Variants in TAOK3 observed in about 807,000 individuals in gnomAD.
TAOK3 encodes serine/threonine-protein kinase TAO3.
TAOK3 carries 40 observed loss-of-function variants against 120.4 expected under a neutral mutation model. The observed-to-expected ratio is 0.33, with a 90% CI of 0.26 to 0.43. The LOEUF is 0.43. Ranked by LOEUF, TAOK3 falls within the 20% of genes least tolerant of loss-of-function variation. The pLI is 1.00. For synonymous variants in TAOK3, 355 were observed against 387.5 expected, an observed-to-expected ratio of 0.92 and a Z score of 0.99; for missense variants, 821 against 1,112.1, an observed-to-expected ratio of 0.74 and a Z score of 3.72.
chr12:118,221,277 G>A (rs2039217231), intron 9 of TAOK3, among the ~76,000 whole-genome samples: 1 of 152,074 alleles, frequency 6.6e-6, no homozygotes, highest in African/African-American at 2.4e-5. Flanking sequence ...AGGCTGGAGT[G>A]AAGAGGCATG....
chr12:118,209,504 T>C (rs1368942921), intron 11 of TAOK3, among the ~76,000 whole-genome samples: 1 of 151,384 alleles, frequency 6.6e-6, no homozygotes, highest in Non-Finnish European at 1.5e-5. Flanking sequence ...GATCAAGCGA[T>C]TCTCCTGCCT....
At chr12:118,199,322 A>C in intron 12 of TAOK3, 65 bp from the exon 13 acceptor site, 1 of 1,324,466 alleles carries the variant, frequency 7.6e-7, no homozygotes, top group Non-Finnish European at 1.1e-6. Context: ...CCATTGACAA[A>C]AGTGTCAAGC....
At chr12:118,370,136 G>A (rs1298552538) in intron 1 of TAOK3, among the ~76,000 whole-genome samples, 1 of 150,322 alleles carries the variant, frequency 6.7e-6, no homozygotes, top group Non-Finnish European at 1.5e-5. Context: ...GCCTCCCAAA[G>A]TGCTAGGATT....
intron 14 of TAOK3, among the ~76,000 whole-genome samples, chr12:118,182,447 G>A (rs2036794147): frequency 1.3e-5 from 2 of 151,226 alleles, no homozygotes; most frequent in African/African-American, 4.9e-5. Flanking sequence ...CAGCATCCCT[G>A]GCCTCTACCC....
intron 13 of TAOK3, among the ~76,000 whole-genome samples, chr12:118,195,957 G>A (rs1045096000): frequency 1.3e-5 from 2 of 152,112 alleles, no homozygotes; most frequent in African/African-American, 4.8e-5. Flanking sequence ...GGCTGATGCA[G>A]GAGAATGGCG....
At chr12:118,271,035 T>G (rs182274958) in intron 1 of TAOK3, among the ~76,000 whole-genome samples, 95 of 152,234 alleles carry the variant, frequency 6.2e-4, no homozygotes, top group African/African-American at 2.2e-3. Flanking sequence ...TCAACACACA[T>G]AGTTAGTATT....
intron 14 of TAOK3, among the ~76,000 whole-genome samples, chr12:118,182,621 ATATT>A (rs1312041741): frequency 2.3e-3 from 227 of 98,962 alleles, no homozygotes; most frequent in African/African-American, 0.011. Flanking sequence ...ATATATATAT[ATATT>A]TTTTTTTTTT....
chr12:118,275,046 G>C (rs1264695987), intron 1 of TAOK3, among the ~76,000 whole-genome samples: 1 of 152,136 alleles, frequency 6.6e-6, no homozygotes, highest in African/African-American at 2.4e-5. Flanking sequence ...GTGGTGATGT[G>C]TCTACATAAA....
intron 1 of TAOK3, among the ~76,000 whole-genome samples, chr12:118,303,887 A>T (rs2042959755): frequency 6.6e-6 from 1 of 152,224 alleles, no homozygotes; most frequent in Non-Finnish European, 1.5e-5. Flanking sequence ...ACCTCAGGTG[A>T]TCCACCTGCC....
rs1164195228 is a variant in TAOK3 at position 118,199,126 on chromosome 12, C to T, written c.1119G>A (p.Glu373=). 1.9e-6 allele frequency: 3 copies of T among 1,614,166 alleles called. No individual in the cohort carries two copies. Among genetic ancestry groups the T allele is most frequent in the Non-Finnish European group, 2.5e-6 (3 of 1,180,032 alleles). ...SVNSMQEVMD[E]SSSELVMMHD... is the part of the protein sequence containing the mutation. ...GCATCATGACAAGTTCGGAACTGCT[C>T]TCGTCCATGACTTCCTGCATGCTGT... The change falls in exon 13 of 21, where the codon GAG becomes GAA. Residue 373 remains glutamate, a synonymous_variant. Coordinates refer to ENST00000392533, the MANE Select transcript of TAOK3 (RefSeq NM_016281.4).
chr12:118,366,090 C>T (rs559505928), intron 1 of TAOK3, among the ~76,000 whole-genome samples: 17 of 151,920 alleles, frequency 1.1e-4, no homozygotes, highest in Non-Finnish European at 1.9e-4. Context: ...ATGGCGAAAC[C>T]CCGTCTCTAC....
intron 9 of TAOK3, among the ~76,000 whole-genome samples, chr12:118,217,338 A>G (rs1038599086): frequency 2.0e-5 from 3 of 152,146 alleles, no homozygotes; most frequent in African/African-American, 7.2e-5. Context: ...TTCATTTGTT[A>G]TATTTTGGAG....
At chr12:118,346,197 AGGG>A (rs1418122230) in intron 1 of TAOK3, among the ~76,000 whole-genome samples, 10 of 152,334 alleles carry the variant, frequency 6.6e-5, no homozygotes, top group African/African-American at 2.2e-4. Flanking sequence ...ATCTTAGGTC[AGGG>A]ACTTCTCACC....
intron 1 of TAOK3, among the ~76,000 whole-genome samples, chr12:118,292,917 C>A (rs11068900): frequency 0.038 from 5,791 of 152,220 alleles, 180 homozygotes; most frequent in Middle Eastern, 0.075. Context: ...TTTGGGGATG[C>A]CTTTATACCC....
chr12:118,301,471 C>T (rs2042876926), intron 1 of TAOK3, among the ~76,000 whole-genome samples: 1 of 152,148 alleles, frequency 6.6e-6, no homozygotes, highest in South Asian at 2.1e-4. Context: ...AACTAGAATT[C>T]ATGAATGACG....
intron 2 of TAOK3, among the ~76,000 whole-genome samples, chr12:118,257,485 A>T (rs1458899571): frequency 6.6e-6 from 1 of 152,040 alleles, no homozygotes; most frequent in African/African-American, 2.4e-5. Flanking sequence ...TATATTTTTC[A>T]TTTTAAATAA....
rs894946907 is a variant in TAOK3 at position 118,151,240 on chromosome 12, C to T, written c.2536-82G>A. ...TGCACGCGATACACCCATAGGCACACATATGACATGCACACACACATAGGC... is the reference window on the plus strand; with the variant it reads ...TGCACGCGATACACCCATAGGCACATATATGACATGCACACACACATAGGC... On this transcript the variant is annotated intron_variant, in intron 20 of 20. Transcript: ENST00000392533. 3.5e-6 allele frequency: 5 copies of T among 1,442,354 alleles called. No homozygotes were observed. The Admixed American group carries it at 7.5e-5, about 22-fold the overall frequency. 89.3% of individuals were successfully genotyped at this position (1,442,354 alleles called of 1,614,324 possible). A position where few individuals can be genotyped will look rare whatever the true frequency, so the allele number is the denominator to read the frequency against.
In TAOK3 at chr12:118,243,498, T is replaced by G; in HGVS notation, c.211A>C (p.Lys71Gln). 6.7e-7 allele frequency: 1 copy of G among 1,490,364 alleles called. No homozygotes were observed. Among genetic ancestry groups the G allele is most frequent in the African/African-American group, 1.5e-5 (1 of 68,744 alleles). The allele number at this position is 1,490,364 out of a possible 1,614,324, so 92.3% of individuals were successfully genotyped here. A position where few individuals can be genotyped will look rare whatever the true frequency, so the allele number is the denominator to read the frequency against. ...QTHEKWQDILKEVKFLRQLKH... is the reference protein window; with the variant it reads ...QTHEKWQDILQEVKFLRQLKH... ...AATTGTCGTAAAAATTTAACTTCCT[T>G]AAGAATATCTTGCCATTTCTATTGA... Residue 71 changes from lysine to glutamine, a missense_variant, in exon 5 of 21, where the codon AAG (lysine) becomes CAG (glutamine). Physicochemically the swap from Lys to Gln is moderately conservative, Grantham distance 53. This residue lies in a region of TAOK3 where 467 missense variants were observed against 540.0 expected (regional missense o/e 0.86). Transcript: ENST00000392533.
Position 118,199,198 on chromosome 12 carries a change from G to C in TAOK3, c.1047C>G (p.Ser349=). The stretch of plus-strand genomic sequence containing the variant: ...CTGTGCTCACGGACATGCTTGGAAT[G>C]GAATGGTTGCTGCCCAGGCTGTCCA... ...REMDSLGSNH[S]IPSMSVSTGS... Residue 349 remains serine (S), a synonymous_variant, in exon 13 of 21, where the codon TCC becomes TCG. Coordinates refer to ENST00000392533, the MANE Select transcript of TAOK3 (RefSeq NM_016281.4). The C allele has an allele frequency of 6.2e-7, 1 of 1,614,120 alleles. No homozygotes were observed.
Sources: allele counts gnomAD v4.1 joint callset (sites outside exome capture counted in the v4.1 genomes callset), GRCh38; gene constraint gnomAD v4.1.1; regional missense constraint gnomAD v4.1.1; transcripts MANE v1.5; gene names NCBI Gene and HGNC (gene_info 2026-07-23, HGNC 2026-07-21).